DENND1A: variants seen among roughly 807,000 people sequenced by gnomAD.
DENND1A encodes DENN domain containing 1A, also known as DENN domain-containing protein 1A.
DENND1A carries 51 observed loss-of-function variants against 113.7 expected under a neutral mutation model. That is an observed-to-expected ratio of 0.45 (90% CI 0.36 to 0.57). The LOEUF (loss-of-function observed/expected upper bound fraction) is 0.57, where lower values mean the gene tolerates loss of function less well. Ranked by LOEUF, DENND1A falls within the 20% of genes least tolerant of loss-of-function variation. The pLI is 0.00. For missense variants in DENND1A, 1,258 were observed against 1,395.9 expected (o/e 0.90, Z 1.57); for synonymous variants, 565 against 570.8 (o/e 0.99, Z 0.14).
chr9:123,487,260 C>T (rs1588787341), intron 13 of DENND1A, among the ~76,000 whole-genome samples: 1 of 152,150 alleles, frequency 6.6e-6, no homozygotes, highest in Non-Finnish European at 1.5e-5. Context: ...ATCCTCTTTG[C>T]TCAAGTTCGT....
chr9:123,910,261 C>T (rs1269259353), intron 1 of DENND1A, among the ~76,000 whole-genome samples: 3 of 152,010 alleles, frequency 2.0e-5, no homozygotes, highest in Non-Finnish European at 2.9e-5. Flanking sequence ...TTTAAAGGTA[C>T]AGTAATTAAG....
chr9:123,533,804 A>G (rs965185133), intron 13 of DENND1A, among the ~76,000 whole-genome samples: 18 of 152,332 alleles, frequency 1.2e-4, no homozygotes, highest in African/African-American at 4.3e-4. Flanking sequence ...TAGTTACTAA[A>G]AATGTGGGAA....
intron 2 of DENND1A, among the ~76,000 whole-genome samples, chr9:123,864,790 AT>A (rs1417306213): frequency 7.2e-5 from 11 of 152,186 alleles, no homozygotes; most frequent in Admixed American, 3.3e-4. Context: ...TTTATCAACA[AT>A]AAAACTGTGG....
intron 21 of DENND1A, among the ~76,000 whole-genome samples, chr9:123,388,525 C>T (rs769429346): frequency 3.9e-5 from 6 of 152,322 alleles, no homozygotes; most frequent in South Asian, 2.1e-4. Context: ...GAAGAGCTCT[C>T]GCGAGAAGGC....
intron 2 of DENND1A, among the ~76,000 whole-genome samples, chr9:123,844,942 G>A (rs1842367193): frequency 6.6e-6 from 1 of 152,200 alleles, no homozygotes; most frequent in Non-Finnish European, 1.5e-5. Context: ...CAAGGGGCCA[G>A]GCACGGTGGC....
chr9:123,671,616 G>A (rs753023237), intron 6 of DENND1A, among the ~76,000 whole-genome samples: 4 of 152,070 alleles, frequency 2.6e-5, no homozygotes, highest in Non-Finnish European at 5.9e-5. Flanking sequence ...TACCATGACC[G>A]CCTTTTATGG....
intron 2 of DENND1A, among the ~76,000 whole-genome samples, chr9:123,794,048 A>G (rs964822216): frequency 6.6e-6 from 1 of 152,214 alleles, no homozygotes; most frequent in Non-Finnish European, 1.5e-5. Context: ...CCCCTGCAGT[A>G]CCAACTCAGG....
At chr9:123,600,830 TA>T (rs111709215) in intron 11 of DENND1A, among the ~76,000 whole-genome samples, 12,427 of 138,532 alleles carry the variant, frequency 0.09, 648 homozygotes, top group Non-Finnish European at 0.12. Context: ...GACTCCATCA[TA>T]AAAAAAAAAA....
intron 20 of DENND1A, among the ~76,000 whole-genome samples, chr9:123,404,470 G>T (rs1360521891): frequency 1.3e-5 from 2 of 152,272 alleles, no homozygotes; most frequent in African/African-American, 4.8e-5. Flanking sequence ...CGGGGCAGGG[G>T]GCTTGCTTTC....
intron 8 of DENND1A, among the ~76,000 whole-genome samples, chr9:123,653,448 T>TAC (rs1305795593): frequency 1.3e-5 from 2 of 152,216 alleles, no homozygotes; most frequent in Non-Finnish European, 2.9e-5. Flanking sequence ...CGCTTTCCCG[T>TAC]ACACAACACT....
intron 5 of DENND1A, among the ~76,000 whole-genome samples, chr9:123,755,527 C>T (rs992299354): frequency 6.6e-6 from 1 of 151,728 alleles, no homozygotes; most frequent in Non-Finnish European, 1.5e-5. Context: ...TCCCAAACTG[C>T]TAGGATTACA....
At position 123,570,037 on chromosome 9, in the gene DENND1A, T is replaced by C. The variant is rs572293628; in HGVS notation, c.868-12342A>G. 2.6e-5 allele frequency among the ~76,000 whole-genome samples: 4 copies of C among 152,292 alleles called. No homozygotes were observed. In the South Asian group the frequency reaches 8.3e-4, roughly 32 times the overall value. Reference sequence around the variant, plus strand: ...CCTCCCAACCACACACCCTATGTTCTAGCCGTAATAAACTGTTAATTCCTG... The same window carrying C: ...CCTCCCAACCACACACCCTATGTTCCAGCCGTAATAAACTGTTAATTCCTG... On this transcript the variant is annotated intron_variant, in intron 12 of 23. Coordinates refer to ENST00000394215, the MANE Select transcript of DENND1A (RefSeq NM_001352964.2).
At chr9:123,538,791 C>T in intron 13 of DENND1A, among the ~76,000 whole-genome samples, 1 of 75,740 alleles carries the variant, frequency 1.3e-5, no homozygotes, top group Non-Finnish European at 2.6e-5. Context: ...TGTATGAATC[C>T]AAAGGTGACA....
intron 13 of DENND1A, among the ~76,000 whole-genome samples, chr9:123,471,420 C>T (rs1185079443): frequency 1.3e-5 from 2 of 152,162 alleles, no homozygotes; most frequent in African/African-American, 4.8e-5. Flanking sequence ...TGTTTTCCAC[C>T]CCAAATTAGG....
At chr9:123,515,940 C>A (rs2053855682) in intron 13 of DENND1A, among the ~76,000 whole-genome samples, 1 of 152,050 alleles carries the variant, frequency 6.6e-6, no homozygotes, top group Non-Finnish European at 1.5e-5. Context: ...ATCAGCCAGG[C>A]ATGGTGGTGC....
intron 13 of DENND1A, among the ~76,000 whole-genome samples, chr9:123,489,329 C>A (rs2051164516): frequency 6.6e-6 from 1 of 152,218 alleles, no homozygotes; most frequent in Non-Finnish European, 1.5e-5. Flanking sequence ...CAGTGGCACA[C>A]ACAGGAAATG....
At chr9:123,617,256 A>G (rs2183262) in intron 10 of DENND1A, among the ~76,000 whole-genome samples, 57,921 of 152,058 alleles carry the variant, frequency 0.38, 11,479 homozygotes, top group African/African-American at 0.48. Flanking sequence ...GAATAATTCT[A>G]GATTAGGGGA....
intron 3 of DENND1A, among the ~76,000 whole-genome samples, chr9:123,771,135 T>C (rs900939470): frequency 3.3e-5 from 5 of 152,182 alleles, no homozygotes; most frequent in South Asian, 4.1e-4. Context: ...ACATTACTTA[T>C]ATATTAGTTA....
chr9:123,546,054 T>C (rs1373725892), intron 13 of DENND1A, among the ~76,000 whole-genome samples: 1 of 152,196 alleles, frequency 6.6e-6, no homozygotes, highest in Non-Finnish European at 1.5e-5. Context: ...TCCTCTCTTG[T>C]GTATTTCTAA....
Sources: allele counts gnomAD v4.1 joint callset (sites outside exome capture counted in the v4.1 genomes callset), GRCh38; gene constraint gnomAD v4.1.1; transcripts MANE v1.5; gene names NCBI Gene and HGNC (gene_info 2026-07-23, HGNC 2026-07-21).